Variants in SCRIB observed in about 807,000 individuals in gnomAD.
SCRIB encodes protein scribble homolog.
A neutral mutation model predicts 170.0 loss-of-function variants in SCRIB; 72 were observed. The observed-to-expected ratio is 0.42, with a 90% confidence interval of 0.35 to 0.52. The LOEUF is 0.52. Among genes scored for constraint, SCRIB ranks in the 20% least tolerant of loss-of-function variants. SCRIB has a pLI of 0.02. For missense variants in SCRIB, 2,475 were observed against 2,338.5 expected, an observed-to-expected ratio of 1.06 and a Z score of -1.20; for synonymous variants, 1,298 against 1,044.3, an observed-to-expected ratio of 1.24 and a Z score of -4.68.
rs1563805161 is a variant in SCRIB at position 143,810,788 on chromosome 8, C to T, written c.1302G>A (p.Ser434=). 4 of 1,603,918 alleles carry T rather than the reference C, an allele frequency of 2.5e-6. No individual in the cohort carries two copies. Among genetic ancestry groups the T allele is most frequent in the East Asian group, 2.2e-5 (1 of 44,806 alleles). The change falls in exon 12 of 37, where the codon TCG becomes TCA. Residue 434 remains serine, a synonymous_variant. Transcript: ENST00000356994. Reference sequence around the variant, plus strand: ...TCGGCGGGGCATCGCTCCAGGTCTCCGAGAGGCTCCCCTGCTGCCCAGCAT... The same window carrying T: ...TCGGCGGGGCATCGCTCCAGGTCTCTGAGAGGCTCCCCTGCTGCCCAGCAT... The part of the protein sequence containing the change: ...LEDAGQQGSL[S]ETWSDAPPSR...
chr8:143,795,956 G>A (rs1249752192), intron 24 of SCRIB, among the ~76,000 whole-genome samples: 2 of 152,140 alleles, frequency 1.3e-5, no homozygotes, highest in Non-Finnish European at 2.9e-5. Flanking sequence ...AGACCCCAGT[G>A]TGAGTGCTGG....
At position 143,813,544 on chromosome 8, in the gene SCRIB, C is replaced by T. The variant is rs751586181; in HGVS notation, c.447-18G>A. On this transcript the variant is annotated intron_variant, in intron 4 of 36. Coordinates refer to ENST00000356994, the MANE Select transcript of SCRIB (RefSeq NM_182706.5). ...TGGCGAGGCTGAAAGAGAGACCAGG[C>T]GCTGGGGCAAGAGGAAGGAAAGCAG... 3.3e-5 allele frequency: 53 copies of T among 1,613,066 alleles called. No homozygotes were observed. Among genetic ancestry groups the T allele is most frequent in the Non-Finnish European group, 3.8e-5 (45 of 1,179,928 alleles).
At position 143,808,616 on chromosome 8, in the gene SCRIB, G is replaced by C; in HGVS notation, c.2108C>G (p.Ser703Cys). 1 of 1,510,458 alleles carries C rather than the reference G, an allele frequency of 6.6e-7. No individual in the cohort carries two copies. Among genetic ancestry groups the C allele is most frequent in the South Asian group, 1.4e-5 (1 of 73,908 alleles). The allele number at this position is 1,510,458 out of a possible 1,614,324, so 93.6% of individuals were successfully genotyped here. Reference sequence around the variant, plus strand: ...GGTGAGGCTGACACCAACCTTGACAGAGGGCGCAGAAACCACGGCCCCCTC... The same window carrying C: ...GGTGAGGCTGACACCAACCTTGACACAGGGCGCAGAAACCACGGCCCCCTC... Reference protein sequence around the residue: ...DKEGAVVSAPSVKGVSFDQAN... With the variant: ...DKEGAVVSAPCVKGVSFDQAN... Residue 703 changes from serine (S) to cysteine (C), a missense_variant, in exon 15 of 37, where the codon TCT (serine) becomes TGT (cysteine). Transcript: ENST00000356994.
chr8:143,798,511 G>T (rs1815039598), intron 24 of SCRIB, among the ~76,000 whole-genome samples: 1 of 152,114 alleles, frequency 6.6e-6, no homozygotes, highest in African/African-American at 2.4e-5. Context: ...TCTTGCTCAG[G>T]CTGGACTCAA....
intron 21 of SCRIB, 70 bp downstream of exon 21, chr8:143,804,498 G>C (rs1815320443): frequency 7.0e-7 from 1 of 1,436,224 alleles, no homozygotes; most frequent in African/African-American, 1.4e-5. Context: ...CCATAAGAGA[G>C]CAGGTCCTGG....
In SCRIB at chr8:143,815,217, G is replaced by A. The variant is rs751405745; in HGVS notation, c.156C>T (p.Pro52=). ...GCAGGTGCGGGCGGCCGCTCACCTT[G>A]GGCAGCTCGCGCAGCTGGTTGGCGT... The part of the protein sequence containing the change: ...LLDANQLREL[P]KPFFRLLNLR... The change falls in exon 1 of 37, where the codon CCC becomes CCT. Residue 52 remains proline, a synonymous_variant. Coordinates refer to ENST00000356994, the MANE Select transcript of SCRIB (RefSeq NM_182706.5). The A allele has an allele frequency of 1.3e-6, 2 of 1,580,194 alleles. No individual in the cohort carries two copies. The highest frequency in any genetic ancestry group is 3.4e-5 in the Admixed American group (2 of 58,396).
At position 143,804,459 on chromosome 8, in the gene SCRIB, C is replaced by T. The variant is rs576339150; in HGVS notation, c.3009+109G>A. On this transcript the variant is annotated intron_variant, in intron 21 of 36. Transcript: ENST00000356994. Reference sequence around the variant, plus strand: ...GCTGCAGGGGAAAGGGCGAGCAGGCCGGCTTCCCACCTGGAGTGGGCCGCA... The same window carrying T: ...GCTGCAGGGGAAAGGGCGAGCAGGCTGGCTTCCCACCTGGAGTGGGCCGCA... The T allele has an allele frequency of 1.3e-4, 165 of 1,222,344 alleles. No homozygotes were observed. The African/African-American group carries it at 1.7e-3, about 13-fold the overall frequency. 75.7% of individuals were successfully genotyped at this position (1,222,344 alleles called of 1,614,324 possible).
intron 24 of SCRIB, among the ~76,000 whole-genome samples, chr8:143,795,899 G>A (rs1563790811): frequency 6.6e-6 from 1 of 152,162 alleles, no homozygotes; most frequent in Non-Finnish European, 1.5e-5. Flanking sequence ...AGCAGGCACT[G>A]GAACTGATGG....
Position 143,803,365 on chromosome 8 carries a change from C to T in SCRIB, c.3603+18G>A, listed in dbSNP as rs1411308697. The T allele has an allele frequency of 9.7e-6, 15 of 1,541,620 alleles. No homozygotes were observed. Among genetic ancestry groups the T allele is most frequent in the East Asian group, 2.4e-5 (1 of 42,546 alleles). ...CTGGGCCAGAGGGAGGCCCGGTCCCCGGGGCGGGATCGCTAACCTCCAGGG... is the reference window on the plus strand; with the variant it reads ...CTGGGCCAGAGGGAGGCCCGGTCCCTGGGGCGGGATCGCTAACCTCCAGGG... On this transcript the variant is annotated intron_variant, in intron 24 of 36. Coordinates refer to ENST00000356994, the MANE Select transcript of SCRIB (RefSeq NM_182706.5).
At position 143,806,988 on chromosome 8, in the gene SCRIB, G is replaced by A; in HGVS notation, c.2204C>T (p.Thr735Ile). ...CGCAATGCTGATGCCCAGGCCCCCAGTCTGCCGCAGGATAGTGAGGGTCAG... is the reference window on the plus strand; with the variant it reads ...CGCAATGCTGATGCCCAGGCCCCCAATCTGCCGCAGGATAGTGAGGGTCAG... ...EELTLTILRQ[T>I]GGLGISIAGG... The change falls in exon 17 of 37, where the codon ACT becomes ATT. Residue 735 changes from threonine to isoleucine, a missense_variant. Transcript: ENST00000356994. The A allele has an allele frequency of 6.2e-7, 1 of 1,613,256 alleles. No individual in the cohort carries two copies. Among genetic ancestry groups the A allele is most frequent in the Non-Finnish European group, 8.5e-7 (1 of 1,179,640 alleles).
At chr8:143,805,469 C>T (rs146032533) in intron 18 of SCRIB, 34 bp from the exon 19 acceptor site, 2 of 1,443,930 alleles carry the variant, frequency 1.4e-6, no homozygotes, top group Non-Finnish European at 1.8e-6. Flanking sequence ...TATTCAGGAC[C>T]CAGTGCCGCC....
chr8:143,807,918 T>G (rs532014924), intron 15 of SCRIB, among the ~76,000 whole-genome samples: 10 of 152,182 alleles, frequency 6.6e-5, no homozygotes, highest in Admixed American at 5.9e-4. Context: ...GCAGGGATAG[T>G]GAGACCCGGG....
At chr8:143,794,929 A>C in intron 27 of SCRIB, 109 bp downstream of exon 27, 1 of 1,089,026 alleles carries the variant, frequency 9.2e-7, no homozygotes, top group Non-Finnish European at 1.3e-6. Context: ...CTCCCACCCC[A>C]GCCCCCGCCC....
chr8:143,815,169 G>T, intron 1 of SCRIB, 45 bp downstream of exon 1: 1 of 1,508,680 alleles, frequency 6.6e-7, no homozygotes, highest in Non-Finnish European at 8.8e-7. Flanking sequence ...AGGAATCACG[G>T]GCTGGGGGCG....
intron 11 of SCRIB, 30 bp downstream of exon 11, chr8:143,810,876 C>T (rs537757115): frequency 3.5e-5 from 57 of 1,609,032 alleles, no homozygotes; most frequent in African/African-American, 6.7e-5. Context: ...AGAGCCACCC[C>T]GCGCTAAGCA....
chr8:143,791,609 G>A (rs9314417), intron 35 of SCRIB, 57 bp downstream of exon 35: 1,514,012 of 1,514,462 alleles, frequency 1, 756,782 homozygotes, highest in East Asian at 1. Flanking sequence ...GAGCGGATGG[G>A]GGCGGTGGCA....
At chr8:143,791,550 G>T (rs1018668826) in intron 35 of SCRIB, 110 bp from the exon 36 acceptor site, 9 of 1,556,404 alleles carry the variant, frequency 5.8e-6, no homozygotes, top group South Asian at 2.2e-5. Context: ...TGAAGGGGGA[G>T]GGGGGGTGAA....
At chr8:143,799,635 G>C (rs782543469) in intron 24 of SCRIB, among the ~76,000 whole-genome samples, 4 of 152,296 alleles carry the variant, frequency 2.6e-5, no homozygotes, top group African/African-American at 9.6e-5. Context: ...TCTCGACCCC[G>C]AGAAGCAGGC....
In SCRIB at chr8:143,795,171, C is replaced by G. The variant is rs1402524301; in HGVS notation, c.3772-59G>C. On this transcript the variant is annotated intron_variant, in intron 26 of 36. Coordinates refer to ENST00000356994, the MANE Select transcript of SCRIB (RefSeq NM_182706.5). ...TAGCTCCGTGGCAGCACCCGGCCAG[C>G]ACAGGGCAGGAGAGGGGGTCCTGGG... 11 of 1,600,576 alleles carry G rather than the reference C, an allele frequency of 6.9e-6. No individual in the cohort carries two copies. In the East Asian group the frequency reaches 2.5e-4, roughly 36 times the overall value.
Sources: allele counts gnomAD v4.1 joint callset (sites outside exome capture counted in the v4.1 genomes callset), GRCh38; gene constraint gnomAD v4.1.1; transcripts MANE v1.5; gene names NCBI Gene and HGNC (gene_info 2026-07-23, HGNC 2026-07-21).